The following HGFAC variants were observed in gnomAD, a reference collection of about 807,000 sequenced individuals.
HGFAC encodes the protein hepatocyte growth factor activator serine protease.
Under a neutral mutation model 70.6 loss-of-function variants are expected in HGFAC, and 76 were observed. The observed-to-expected ratio is 1.08, with a 90% CI of 0.89 to 1.30. HGFAC has a LOEUF of 1.30. Among genes scored for constraint, HGFAC ranks in the 50% most tolerant of loss-of-function variants. The pLI, the probability that HGFAC is intolerant of heterozygous loss-of-function variation, is 0.00. For synonymous variants in HGFAC, 464 were observed against 405.3 expected, an observed-to-expected ratio of 1.14 and a Z score of -1.74; for missense variants, 1,044 against 933.7, an observed-to-expected ratio of 1.12 and a Z score of -1.54.
intron 4 of HGFAC, 87 bp from the exon 5 acceptor site, chr4:3,443,952 G>A (rs955072298): frequency 2.4e-5 from 34 of 1,432,512 alleles, no homozygotes; most frequent in Non-Finnish European, 3.0e-5. Flanking sequence ...ACTGGGGCCT[G>A]ATGGACGCCT....
intron 8 of HGFAC, 100 bp from the exon 9 acceptor site, chr4:3,445,165 G>A: frequency 1.5e-6 from 2 of 1,307,216 alleles, no homozygotes; most frequent in African/African-American, 2.9e-5. Context: ...CACTGCTCCA[G>A]GTGCGGGGAA....
chr4:3,448,734 G>A (rs981512128), intron 13 of HGFAC, among the ~76,000 whole-genome samples: 5 of 152,222 alleles, frequency 3.3e-5, no homozygotes, highest in Middle Eastern at 3.2e-3. Flanking sequence ...ACCCTGGCAT[G>A]CGACGGCTCT....
rs189416924 is a variant in HGFAC, at chr4:3,445,477, C to T, written c.1102+127C>T. ...TGACAAATGGGGAAACTGGAGCTCA[C>T]GGGATCAGGCTGGTCCAAGGTCACG... On this transcript the variant is annotated intron_variant, in intron 9 of 13. Coordinates refer to ENST00000382774, the MANE Select transcript of HGFAC (RefSeq NM_001528.4). 47 of 730,662 alleles carry T rather than the reference C, an allele frequency of 6.4e-5. No homozygotes were observed. In the African/African-American group the frequency reaches 6.9e-4, roughly 11 times the overall value. The allele number at this position is 730,662 out of a possible 1,614,324, so 45.3% of individuals were successfully genotyped here. A position where few individuals can be genotyped will look rare whatever the true frequency, so the allele number is the denominator to read the frequency against.
Position 3,447,625 on chromosome 4 carries a change from G to C in HGFAC, c.1489G>C (p.Asp497His). 2 of 1,612,566 alleles carry C rather than the reference G, an allele frequency of 1.2e-6. No homozygotes were observed. Among genetic ancestry groups the C allele is most frequent in the Non-Finnish European group, 1.7e-6 (2 of 1,179,828 alleles). Residue 497 changes from aspartate to histidine, a missense_variant, in exon 11 of 14, where the codon GAC (aspartate) becomes CAC (histidine). Physicochemically the swap from Asp to His is moderately conservative, Grantham distance 81 (BLOSUM62 -1). Coordinates refer to ENST00000382774, the MANE Select transcript of HGFAC (RefSeq NM_001528.4). ...LYSVFNPSDH[D>H]LVLIRLKKKG... ...CTCGGTGTTCAACCCCAGCGACCAC[G>C]ACCTCGGTGAGCTCCGGCGTGTCGT...
At chr4:3,445,212 C>T in intron 8 of HGFAC, 53 bp from the exon 9 acceptor site, 2 of 1,452,652 alleles carry the variant, frequency 1.4e-6, no homozygotes, top group Non-Finnish European at 1.9e-6. Flanking sequence ...CCTCCCCATG[C>T]CCTCTTCGAG....
intron 8 of HGFAC, 94 bp downstream of exon 8, chr4:3,445,087 C>A (rs998564160): frequency 2.1e-5 from 29 of 1,396,548 alleles, no homozygotes; most frequent in Non-Finnish European, 2.8e-5. Flanking sequence ...CAGGCGGGGC[C>A]AGCTCCGTCC....
chr4:3,445,207 C>T, intron 8 of HGFAC, 58 bp from the exon 9 acceptor site: 2 of 1,437,598 alleles, frequency 1.4e-6, no homozygotes, highest in South Asian at 2.4e-5. Context: ...TGCCCCCTCC[C>T]CATGCCCTCT....
At chr4:3,444,593 C>A in intron 6 of HGFAC, 30 bp from the exon 7 acceptor site, 1 of 1,561,496 alleles carries the variant, frequency 6.4e-7, no homozygotes. Flanking sequence ...CTGCGCGGCC[C>A]CTGGCCCAGC....
chr4:3,447,700 CA>C (rs1228743040), intron 11 of HGFAC, 69 bp downstream of exon 11: 7 of 1,593,620 alleles, frequency 4.4e-6, no homozygotes, highest in Admixed American at 3.4e-5. Flanking sequence ...CAGGCCCAGA[CA>C]GGGGCAGGAG....
intron 10 of HGFAC, 34 bp from the exon 11 acceptor site, chr4:3,447,458 C>A: frequency 1.9e-6 from 3 of 1,609,776 alleles, no homozygotes; most frequent in Non-Finnish European, 2.5e-6. Flanking sequence ...TGGGGGAGGG[C>A]TGGTCCATGC....
Position 3,447,963 on chromosome 4 carries a change from C to A in HGFAC, c.1564C>A (p.Leu522Met). The change falls in exon 12 of 14, where the codon CTG becomes ATG. Residue 522 changes from leucine to methionine, a missense_variant. Coordinates refer to ENST00000382774, the MANE Select transcript of HGFAC (RefSeq NM_001528.4). Reference protein sequence around the residue: ...TRSQFVQPICLPEPGSTFPAG... With the variant: ...TRSQFVQPICMPEPGSTFPAG... The stretch of plus-strand genomic sequence containing the variant: ...CTCGCAGTTCGTGCAGCCCATCTGC[C>A]TGCCCGAGCCCGGCAGCACCTTCCC... 6.3e-7 allele frequency: 1 copy of A among 1,597,672 alleles called. No homozygotes were observed. Among genetic ancestry groups the A allele is most frequent in the South Asian group, 1.1e-5 (1 of 88,728 alleles).
rs976540577 is a variant in HGFAC at position 3,442,907 on chromosome 4, C to T, written c.293C>T (p.Ala98Val). 3.2e-6 allele frequency: 5 copies of T among 1,563,838 alleles called. No individual in the cohort carries two copies. Among genetic ancestry groups the T allele is most frequent in the Non-Finnish European group, 4.3e-6 (5 of 1,156,530 alleles). The part of the protein sequence containing the change: ...RAVPSSSSPQ[A>V]QALTEDGRPC... ...GTTCCCTCGAGCAGTAGCCCCCAGGCCCAAGGTGGGTCAGGTGGGCCTGGG... is the reference window on the plus strand; with the variant it reads ...GTTCCCTCGAGCAGTAGCCCCCAGGTCCAAGGTGGGTCAGGTGGGCCTGGG... The change falls in exon 2 of 14, where the codon GCC (alanine) becomes GTC (valine). Residue 98 changes from alanine (A) to valine (V), a missense_variant. Transcript: ENST00000382774.
In HGFAC at chr4:3,443,048, A is replaced by C; in HGVS notation, c.299-2A>C. On this transcript the variant is annotated splice_acceptor_variant, in intron 2 of 13. Transcript: ENST00000382774. LOFTEE classifies it high-confidence loss of function. ...CCTGACCCTGCCACCCCCTCCCCAC[A>C]GCACTCACCGAGGACGGGAGGCCCT... The C allele has an allele frequency of 1.3e-6, 2 of 1,596,580 alleles. No individual in the cohort carries two copies.
chr4:3,445,746 G>A (rs1725485682), intron 9 of HGFAC: 2 of 902,088 alleles, frequency 2.2e-6, no homozygotes, highest in South Asian at 3.2e-5. Flanking sequence ...CTCTCATGTG[G>A]GGGTCTCTGA....
At chr4:3,443,812 C>T (rs533626449) in intron 4 of HGFAC, among the ~76,000 whole-genome samples, 4 of 152,010 alleles carry the variant, frequency 2.6e-5, no homozygotes, top group African/African-American at 9.7e-5. Context: ...CAGGAAGCCA[C>T]GTGCACAGCT....
intron 9 of HGFAC, chr4:3,445,569 G>T (rs976971329): frequency 6.3e-5 from 38 of 606,552 alleles, no homozygotes; most frequent in Non-Finnish European, 1.1e-4. Context: ...ACCAGGCGAC[G>T]GCCTCGGGGT....
rs756332443 is a variant in HGFAC, at chr4:3,445,611, T to A, written c.1102+261T>A. On this transcript the variant is annotated intron_variant, in intron 9 of 13. Transcript: ENST00000382774. Reference sequence around the variant, plus strand: ...TGCCCAGCCTGGACCATGCCCAGGATGGCCGCAGAAGCCTTTCAGGGAGGT... The same window carrying A: ...TGCCCAGCCTGGACCATGCCCAGGAAGGCCGCAGAAGCCTTTCAGGGAGGT... The A allele has an allele frequency of 1.0e-4, 62 of 600,820 alleles. No individual in the cohort carries two copies. The Middle Eastern group carries it at 1.3e-3, about 13-fold the overall frequency. The allele number at this position is 600,820 out of a possible 1,614,324, so 37.2% of individuals were successfully genotyped here. A position where few individuals can be genotyped will look rare whatever the true frequency, so the allele number is the denominator to read the frequency against.
chr4:3,446,414 C>A, intron 10 of HGFAC, 120 bp downstream of exon 10: 2 of 1,289,868 alleles, frequency 1.6e-6, no homozygotes, highest in South Asian at 2.9e-5. Flanking sequence ...GACCCCTTCC[C>A]GGGGTCCCCG....
chr4:3,443,223 CAGT>C, intron 3 of HGFAC, 77 bp downstream of exon 3: 1 of 1,329,664 alleles, frequency 7.5e-7, no homozygotes, highest in Non-Finnish European at 1.0e-6. Context: ...GCCGGGCACA[CAGT>C]AGGCGCTCAC....
Sources: gnomAD v4.1 joint callset for allele counts (sites outside exome capture counted in the v4.1 genomes callset) on GRCh38, gnomAD v4.1.1 for gene constraint, MANE v1.5 for transcripts, NCBI Gene and HGNC (gene_info 2026-07-23, HGNC 2026-07-21) for gene names.